MEI4: variants seen among roughly 807,000 people sequenced by gnomAD.
MEI4 encodes the protein meiosis-specific protein MEI4.
Under a neutral mutation model 31.4 loss-of-function variants are expected in MEI4, and 27 were observed. The ratio of observed to expected loss-of-function variants is 0.86; its 90% CI spans 0.63 to 1.19. The LOEUF is 1.19. Ranked by LOEUF, MEI4 falls within the 50% of genes most tolerant of loss-of-function variation. The pLI, the probability that MEI4 is intolerant of heterozygous loss-of-function variation, is 0.00. For missense variants in MEI4, 329 were observed against 398.9 expected, an observed-to-expected ratio of 0.82 and a Z score of 1.49; for synonymous variants, 122 against 145.4, an observed-to-expected ratio of 0.84 and a Z score of 1.16.
At chr6:77,727,205 T>C (rs1227056732) in intron 2 of MEI4, among the ~76,000 whole-genome samples, 1 of 152,160 alleles carries the variant, frequency 6.6e-6, no homozygotes, top group Admixed American at 6.5e-5. Flanking sequence ...AATTTATGGG[T>C]ATTCCTGGCA....
chr6:77,668,750 C>T (rs1276408247), intron 1 of MEI4, among the ~76,000 whole-genome samples: 1 of 152,150 alleles, frequency 6.6e-6, no homozygotes, highest in African/African-American at 2.4e-5. Context: ...TCCATACATA[C>T]ACTATTATAT....
chr6:77,689,402 A>G (rs1476805524), intron 1 of MEI4, among the ~76,000 whole-genome samples: 1 of 152,024 alleles, frequency 6.6e-6, no homozygotes, highest in African/African-American at 2.4e-5. Context: ...TTTTATACAG[A>G]TTTTTGTGTT....
At chr6:77,676,043 C>T (rs992328840) in intron 1 of MEI4, among the ~76,000 whole-genome samples, 2 of 152,076 alleles carry the variant, frequency 1.3e-5, no homozygotes, top group African/African-American at 2.4e-5. Context: ...TTGTCAACCA[C>T]GAAGTTTGGA....
At chr6:77,683,136 C>T (rs1467064855) in intron 1 of MEI4, among the ~76,000 whole-genome samples, 2 of 152,074 alleles carry the variant, frequency 1.3e-5, no homozygotes, top group South Asian at 2.1e-4. Flanking sequence ...CAGAGGTAAG[C>T]GCTACAGGCT....
At chr6:77,883,549 T>C (rs535031152) in intron 4 of MEI4, among the ~76,000 whole-genome samples, 2 of 151,772 alleles carry the variant, frequency 1.3e-5, no homozygotes, top group South Asian at 2.1e-4. Context: ...ATCTGCAATG[T>C]TGGTCTTCTC....
chr6:77,798,829 T>G (rs201484732), intron 3 of MEI4, among the ~76,000 whole-genome samples: 2,883 of 152,128 alleles, frequency 0.019, 65 homozygotes, highest in East Asian at 0.088. Flanking sequence ...AACTCATCAT[T>G]TTTTATGGCT....
intron 2 of MEI4, among the ~76,000 whole-genome samples, chr6:77,708,243 A>G (rs112175592): frequency 2.5e-4 from 38 of 152,364 alleles, no homozygotes; most frequent in African/African-American, 8.9e-4. Context: ...CCAGTATGTC[A>G]TGGATATGGG....
At position 77,761,582 on chromosome 6, in the gene MEI4, A is replaced by G; in HGVS notation, c.685A>G (p.Ile229Val). ...LISDYNLSSH[I>V]LKKCSKKLEE... ...CAGTGACTATAACTTATCTAGTCATATTCTTAAAAAGTGTTCCAAGAAGTT... is the reference window on the plus strand; with the variant it reads ...CAGTGACTATAACTTATCTAGTCATGTTCTTAAAAAGTGTTCCAAGAAGTT... The change falls in exon 3 of 5, where the codon ATT becomes GTT. Residue 229 changes from isoleucine to valine, a missense_variant. Transcript: ENST00000684080. 8.1e-7 allele frequency: 1 copy of G among 1,231,946 alleles called. No individual in the cohort carries two copies. The highest frequency in any genetic ancestry group is 1.5e-5 in the African/African-American group (1 of 64,550). 76.3% of individuals were successfully genotyped at this position (1,231,946 alleles called of 1,614,324 possible).
intron 2 of MEI4, among the ~76,000 whole-genome samples, chr6:77,697,730 A>C (rs1766088932): frequency 6.6e-6 from 1 of 151,930 alleles, no homozygotes; most frequent in African/African-American, 2.4e-5. Flanking sequence ...GTGCTGAAAA[A>C]AGTATATATT....
intron 2 of MEI4, among the ~76,000 whole-genome samples, chr6:77,716,432 A>T (rs1478331524): frequency 1.3e-5 from 2 of 152,202 alleles, no homozygotes; most frequent in South Asian, 2.1e-4. Flanking sequence ...TGCTTGAAAA[A>T]AATGCAGTTT....
chr6:77,698,886 C>T (rs964122668), intron 2 of MEI4, among the ~76,000 whole-genome samples: 7 of 152,180 alleles, frequency 4.6e-5, no homozygotes, highest in South Asian at 4.1e-4. Context: ...TCCATTCTCC[C>T]GGTCACTTTC....
rs1324339634 is a variant in MEI4, at chr6:77,721,916, T to C, written c.232+31013T>C. Among the ~76,000 whole-genome samples the C allele has an allele frequency of 3.1e-5, 4 of 128,190 alleles. 1 individual carries two copies. The highest frequency in any genetic ancestry group is 5.3e-4 in the East Asian group (2 of 3,786). 84.1% of individuals were successfully genotyped at this position (128,190 alleles called of 152,430 possible). ...TCTGCAGCACATAAAATATCATCAA[T>C]ATAATGAATAATATAACAGTCTGAA... On this transcript the variant is annotated intron_variant, in intron 2 of 4. Coordinates refer to ENST00000684080, the MANE Select transcript of MEI4 (RefSeq NM_001322247.2).
chr6:77,666,353 G>A (rs1243108827), intron 1 of MEI4, among the ~76,000 whole-genome samples: 1 of 152,154 alleles, frequency 6.6e-6, no homozygotes, highest in East Asian at 1.9e-4. Flanking sequence ...TACTTCTTTT[G>A]TGGATCTTCA....
chr6:77,817,182 A>G (rs892972846), intron 3 of MEI4, among the ~76,000 whole-genome samples: 3 of 152,182 alleles, frequency 2.0e-5, no homozygotes, highest in Non-Finnish European at 4.4e-5. Flanking sequence ...TATTAAGGGC[A>G]GAATTTTTTT....
At chr6:77,710,738 A>T (rs1766445338) in intron 2 of MEI4, among the ~76,000 whole-genome samples, 1 of 152,184 alleles carries the variant, frequency 6.6e-6, no homozygotes, top group Non-Finnish European at 1.5e-5. Context: ...AAAAGGCTTG[A>T]TGCCTGGGTT....
chr6:77,890,240 G>A (rs1771725974), intron 4 of MEI4, among the ~76,000 whole-genome samples: 1 of 152,182 alleles, frequency 6.6e-6, no homozygotes. Flanking sequence ...AAAGCAGCTG[G>A]GAGGGGAGCT....
intron 2 of MEI4, among the ~76,000 whole-genome samples, chr6:77,692,654 T>G (rs1769179586): frequency 6.6e-6 from 1 of 152,018 alleles, no homozygotes; most frequent in Non-Finnish European, 1.5e-5. Context: ...AGAGAGTGGT[T>G]AAGGGACATA....
intron 3 of MEI4, among the ~76,000 whole-genome samples, chr6:77,780,577 GC>G (rs571830479): frequency 1.8e-3 from 273 of 152,148 alleles, no homozygotes; most frequent in Non-Finnish European, 3.0e-3. Context: ...GTTGGCACAG[GC>G]TTCTTTCTTT....
chr6:77,895,917 A>G (rs1450180021), intron 4 of MEI4, among the ~76,000 whole-genome samples: 1 of 152,166 alleles, frequency 6.6e-6, no homozygotes, highest in Non-Finnish European at 1.5e-5. Context: ...CTGTATTAAT[A>G]AACAGATTGT....
Sources: allele counts gnomAD v4.1 joint callset (sites outside exome capture counted in the v4.1 genomes callset), GRCh38; gene constraint gnomAD v4.1.1; transcripts MANE v1.5; gene names NCBI Gene and HGNC (gene_info 2026-07-23, HGNC 2026-07-21).